The following KIF5C variants were observed in gnomAD, a reference collection of about 807,000 sequenced individuals.
The protein encoded by KIF5C is kinesin heavy chain isoform 5C.
KIF5C carries 18 observed loss-of-function variants against 125.2 expected under a neutral mutation model. That is an observed-to-expected ratio of 0.14 (90% CI 0.10 to 0.21). KIF5C has a LOEUF of 0.21. Ranked by LOEUF, KIF5C falls within the 10% of genes least tolerant of loss-of-function variation. The pLI, the probability that KIF5C is intolerant of heterozygous loss-of-function variation, is 1.00. For missense variants in KIF5C, 780 were observed against 1,183.8 expected (o/e 0.66, Z 5.01); for synonymous variants, 405 against 434.0 (o/e 0.93, Z 0.83).
chr2:148,892,174 A>G (rs1166064414), intron 1 of KIF5C, among the ~76,000 whole-genome samples: 2 of 152,202 alleles, frequency 1.3e-5, no homozygotes, highest in Non-Finnish European at 2.9e-5. Context: ...ACCATTTGCT[A>G]TGTTGCACCT....
At chr2:148,996,464 T>C (rs1295383486) in intron 17 of KIF5C, among the ~76,000 whole-genome samples, 2 of 152,210 alleles carry the variant, frequency 1.3e-5, no homozygotes, top group Non-Finnish European at 2.9e-5. Context: ...CGGTGGTTCC[T>C]GCAGTGGGGC....
intron 1 of KIF5C, among the ~76,000 whole-genome samples, chr2:148,887,171 A>G (rs1681551297): frequency 1.3e-5 from 2 of 152,246 alleles, no homozygotes; most frequent in Non-Finnish European, 2.9e-5. Context: ...AATATTCATT[A>G]CATGTTGAAA....
intron 1 of KIF5C, among the ~76,000 whole-genome samples, chr2:148,908,991 T>C (rs556300304): frequency 2.0e-5 from 3 of 152,328 alleles, no homozygotes; most frequent in Non-Finnish European, 2.9e-5. Flanking sequence ...GCATATATTA[T>C]AGAGCTTTAA....
chr2:148,973,039 T>C (rs566180605), intron 11 of KIF5C, among the ~76,000 whole-genome samples: 1 of 152,258 alleles, frequency 6.6e-6, no homozygotes, highest in Non-Finnish European at 1.5e-5. Context: ...TAAAGCAAAA[T>C]GAATGTAAAG....
chr2:148,969,402 TA>T (rs1276147580), intron 11 of KIF5C, among the ~76,000 whole-genome samples: 1 of 149,848 alleles, frequency 6.7e-6, no homozygotes, highest in African/African-American at 2.5e-5. Context: ...GATGCTTATT[TA>T]AAGAAGGGGA....
intron 9 of KIF5C, 75 bp from the exon 10 acceptor site, chr2:148,950,239 A>C: frequency 6.4e-7 from 1 of 1,557,770 alleles, no homozygotes; most frequent in Admixed American, 1.8e-5. Flanking sequence ...CAGTGTCTTC[A>C]TCCCTGACTT....
rs138761545 is a variant in KIF5C at position 148,960,077 on chromosome 2, C to A, written c.969-1894C>A. On this transcript the variant is annotated intron_variant, in intron 10 of 25. Transcript: ENST00000435030. ...AAATCATGCAATTTGAGCAGGTGGTCTGTTTCCTTCCAGGACCCCGATTAC... is the reference window on the plus strand; with the variant it reads ...AAATCATGCAATTTGAGCAGGTGGTATGTTTCCTTCCAGGACCCCGATTAC... 2.7e-4 allele frequency among the ~76,000 whole-genome samples: 41 copies of A among 152,330 alleles called. No homozygotes were observed. In the East Asian group the frequency reaches 7.7e-3, roughly 29 times the overall value.
intron 1 of KIF5C, among the ~76,000 whole-genome samples, chr2:148,886,697 G>A (rs1390709247): frequency 6.6e-6 from 1 of 152,170 alleles, no homozygotes; most frequent in Non-Finnish European, 1.5e-5. Flanking sequence ...TATGATATTT[G>A]TTGTAAAGTA....
intron 23 of KIF5C, among the ~76,000 whole-genome samples, chr2:149,009,801 T>A (rs1682127912): frequency 6.6e-6 from 1 of 151,640 alleles, no homozygotes; most frequent in African/African-American, 2.4e-5. Flanking sequence ...AGTATTCTCA[T>A]ATGTGGTCGA....
intron 11 of KIF5C, among the ~76,000 whole-genome samples, chr2:148,964,316 C>T (rs1682998926): frequency 6.6e-6 from 1 of 151,884 alleles, no homozygotes; most frequent in African/African-American, 2.4e-5. Context: ...GTTTTCTGTG[C>T]CCTCTTGGGT....
chr2:148,900,167 T>TTC (rs1680840828), intron 1 of KIF5C, among the ~76,000 whole-genome samples: 1 of 152,188 alleles, frequency 6.6e-6, no homozygotes, highest in Non-Finnish European at 1.5e-5. Flanking sequence ...GTTTTCAGTA[T>TTC]TCCCCAAAGA....
intron 19 of KIF5C, 126 bp downstream of exon 19, chr2:148,998,635 G>A (rs1434475711): frequency 2.1e-6 from 3 of 1,426,440 alleles, no homozygotes; most frequent in Non-Finnish European, 2.8e-6. Flanking sequence ...CTGCCCTGGT[G>A]ACACAGCAGG....
intron 1 of KIF5C, among the ~76,000 whole-genome samples, chr2:148,901,411 G>A (rs1291481620): frequency 2.0e-5 from 3 of 152,176 alleles, no homozygotes; most frequent in East Asian, 3.8e-4. Flanking sequence ...GAGGTGGTGA[G>A]CAGCTGGCAG....
rs184705494 is a variant in KIF5C, at chr2:148,904,088, A to G, written c.127-18049A>G. 2.0e-5 allele frequency among the ~76,000 whole-genome samples: 3 copies of G among 152,346 alleles called. No individual in the cohort carries two copies. The East Asian group carries it at 5.8e-4, about 29-fold the overall frequency. On this transcript the variant is annotated intron_variant, in intron 1 of 25. Transcript: ENST00000435030. ...AACCTTCTTAGCACACACCAGAATT[A>G]TAGCTTGTCAAGAGCAAGAGATTTA... is the stretch of plus-strand genomic sequence containing the variant.
intron 19 of KIF5C, 69 bp downstream of exon 19, chr2:148,998,578 G>A (rs1221094416): frequency 1.3e-6 from 2 of 1,544,872 alleles, no homozygotes; most frequent in African/African-American, 2.7e-5. Context: ...AAGCCTGGAA[G>A]GATGTGGCTC....
chr2:148,928,941 C>T (rs1211717971), intron 2 of KIF5C, among the ~76,000 whole-genome samples: 1 of 152,112 alleles, frequency 6.6e-6, no homozygotes, highest in African/African-American at 2.4e-5. Flanking sequence ...TTTCTTTTTC[C>T]CCCAACTGAT....
rs1348568407 is a variant in KIF5C, at chr2:148,997,356, C to G, written c.2100+16C>G. 1.5e-5 allele frequency: 25 copies of G among 1,613,736 alleles called. No individual in the cohort carries two copies. The Admixed American group carries it at 4.0e-4, about 26-fold the overall frequency. ...AGAAATGAAGGTGTGTGTGGCTGCC[C>G]CTTCCATCAAGCCCAGTGTGCATTT... On this transcript the variant is annotated intron_variant, in intron 18 of 25. Coordinates refer to ENST00000435030, the MANE Select transcript of KIF5C (RefSeq NM_004522.3).
At position 148,994,707 on chromosome 2, in the gene KIF5C, C is replaced by CT. The variant is rs766023949; in HGVS notation, c.2023+182dup. On this transcript the variant is annotated intron_variant, in intron 17 of 25. Coordinates refer to ENST00000435030, the MANE Select transcript of KIF5C (RefSeq NM_004522.3). ...AGCGATTTCTTTTCTTTCTTTCTTT[C>CT]TTTTTTTTTTTTTAAGATGGAGTCT... 1.0e-3 allele frequency among the ~76,000 whole-genome samples: 147 copies of CT among 144,002 alleles called. No homozygotes were observed. The Middle Eastern group carries it at 0.018, about 18-fold the overall frequency. The allele number at this position is 144,002 out of a possible 152,430, so 94.5% of individuals were successfully genotyped here.
intron 25 of KIF5C, among the ~76,000 whole-genome samples, chr2:149,021,519 A>G (rs951241784): frequency 1.1e-4 from 17 of 151,888 alleles, no homozygotes; most frequent in Admixed American, 5.2e-4. Context: ...TTTATATGTA[A>G]CTTACATCCT....
Sources: allele counts gnomAD v4.1 joint callset (sites outside exome capture counted in the v4.1 genomes callset), GRCh38; gene constraint gnomAD v4.1.1; transcripts MANE v1.5; gene names NCBI Gene and HGNC (gene_info 2026-07-23, HGNC 2026-07-21).